The following HSPA12A variants were observed in gnomAD, a reference collection of about 807,000 sequenced individuals.
HSPA12A encodes the protein heat shock protein family A (Hsp70) member 12A.
HSPA12A carries 28 observed loss-of-function variants against 69.2 expected under a neutral mutation model. That is an observed-to-expected ratio of 0.40 (90% CI 0.30 to 0.55). The LOEUF is 0.55. HSPA12A is among the 20% of genes least tolerant of loss of function. The pLI, the probability that HSPA12A is intolerant of heterozygous loss-of-function variation, is 0.38. For synonymous variants in HSPA12A, 345 were observed against 370.5 expected (o/e 0.93, Z 0.79); for missense variants, 686 against 900.7 (o/e 0.76, Z 3.05).
At chr10:116,822,798 G>A (rs1009179230) in intron 2 of HSPA12A, among the ~76,000 whole-genome samples, 2 of 152,250 alleles carry the variant, frequency 1.3e-5, no homozygotes, top group South Asian at 4.2e-4. Flanking sequence ...CATGACTCAG[G>A]GTCAGAATCA....
upstream of HSPA12A, among the ~76,000 whole-genome samples, chr10:116,744,488 G>A (rs1401051967): frequency 1.3e-5 from 2 of 152,226 alleles, no homozygotes; most frequent in African/African-American, 4.8e-5. Flanking sequence ...GGCCTTGGGC[G>A]CCACGTGCCC....
Position 116,673,870 on chromosome 10 carries a change from C to G in HSPA12A, c.*911G>C, listed in dbSNP as rs1406254490. On this transcript the variant is annotated 3_prime_UTR_variant, in exon 12 of 12. Transcript: ENST00000369209. ...AGGGGGTTAATTTAAAATCTGTCTG[C>G]TTTTCAAGGTGAGGGGCTCTTCTGG... 6.6e-6 allele frequency: 1 copy of G among 152,128 alleles called. No homozygotes were observed. Among genetic ancestry groups the G allele is most frequent in the Admixed American group, 6.5e-5 (1 of 15,272 alleles). The allele number at this position is 152,128 out of a possible 1,614,324, so 9.4% of individuals were successfully genotyped here.
At chr10:116,716,590 G>T (rs1850613004) in intron 1 of HSPA12A, among the ~76,000 whole-genome samples, 1 of 152,200 alleles carries the variant, frequency 6.6e-6, no homozygotes, top group African/African-American at 2.4e-5. Context: ...AGTCATACGT[G>T]GGCTGCAGGC....
chr10:116,706,829 C>T (rs939263004), intron 2 of HSPA12A, among the ~76,000 whole-genome samples: 5 of 152,166 alleles, frequency 3.3e-5, no homozygotes, highest in Admixed American at 6.5e-5. Flanking sequence ...ATGTATTCAC[C>T]GATTCACTAG....
intron 1 of HSPA12A, among the ~76,000 whole-genome samples, chr10:116,839,854 T>C (rs1204886001): frequency 6.6e-6 from 1 of 151,944 alleles, no homozygotes; most frequent in Non-Finnish European, 1.5e-5. Flanking sequence ...TACAGACGTG[T>C]GTGCAATGTT....
chr10:116,783,882 T>G (rs1554892064), intron 2 of HSPA12A, among the ~76,000 whole-genome samples: 1 of 152,114 alleles, frequency 6.6e-6, no homozygotes, highest in African/African-American at 2.4e-5. Flanking sequence ...TTTTGTATTT[T>G]TAGTAGAGAC....
intron 1 of HSPA12A, among the ~76,000 whole-genome samples, chr10:116,741,662 C>A (rs1201104359): frequency 1.3e-5 from 2 of 152,276 alleles, no homozygotes; most frequent in East Asian, 3.9e-4. Context: ...CAACCCCCTT[C>A]CCCGTCCTCT....
At chr10:116,739,025 T>A (rs1851397894) in intron 1 of HSPA12A, among the ~76,000 whole-genome samples, 1 of 152,210 alleles carries the variant, frequency 6.6e-6, no homozygotes. Flanking sequence ...TTGGGGGCTA[T>A]AACCAGCGCC....
chr10:116,698,799 C>T, intron 4 of HSPA12A, 60 bp from the exon 5 acceptor site: 1 of 1,316,744 alleles, frequency 7.6e-7, no homozygotes. Context: ...TGTCTCCTGG[C>T]TTTGGGGACT....
intron 1 of HSPA12A, among the ~76,000 whole-genome samples, chr10:116,720,875 G>A (rs1227137277): frequency 1.3e-5 from 2 of 152,192 alleles, no homozygotes; most frequent in African/African-American, 2.4e-5. Flanking sequence ...GAGAGAGGAC[G>A]AGACAGGACC....
intron 2 of HSPA12A, among the ~76,000 whole-genome samples, chr10:116,751,813 T>G (rs1554888380): frequency 6.6e-6 from 1 of 152,184 alleles, no homozygotes. Context: ...CCCTTGGTGA[T>G]GAGTGAGTTC....
intron 10 of HSPA12A, 74 bp from the exon 11 acceptor site, chr10:116,676,576 C>T (rs1564771572): frequency 3.4e-6 from 4 of 1,162,658 alleles, no homozygotes; most frequent in African/African-American, 3.0e-5. Context: ...GCATAGACAC[C>T]TGCCCTGGCA....
chr10:116,812,287 T>C (rs1845206555), intron 2 of HSPA12A, among the ~76,000 whole-genome samples: 1 of 151,790 alleles, frequency 6.6e-6, no homozygotes, highest in Non-Finnish European at 1.5e-5. Flanking sequence ...ACCCCATCTG[T>C]ATTAAAAATA....
intron 1 of HSPA12A, among the ~76,000 whole-genome samples, chr10:116,717,658 G>A (rs1286355915): frequency 6.6e-6 from 1 of 151,752 alleles, no homozygotes; most frequent in Non-Finnish European, 1.5e-5. Flanking sequence ...ATGTTATTTT[G>A]TTTATTATTA....
intron 2 of HSPA12A, among the ~76,000 whole-genome samples, chr10:116,805,549 G>A (rs1171013473): frequency 6.6e-6 from 1 of 152,040 alleles, no homozygotes; most frequent in Non-Finnish European, 1.5e-5. Context: ...TACACAAAAG[G>A]AGAAAATGAA....
At chr10:116,721,654 AT>A (rs1425898931) in intron 1 of HSPA12A, among the ~76,000 whole-genome samples, 2 of 152,206 alleles carry the variant, frequency 1.3e-5, no homozygotes, top group African/African-American at 4.8e-5. Flanking sequence ...ACCCATCCTA[AT>A]CCCCATCCCT....
chr10:116,696,943 C>G (rs1463811629), intron 5 of HSPA12A, among the ~76,000 whole-genome samples: 1 of 152,152 alleles, frequency 6.6e-6, no homozygotes, highest in African/African-American at 2.4e-5. Context: ...CTACAGGGAG[C>G]CTTCCATGAT....
At chr10:116,826,672 T>C (rs1845512862) in intron 2 of HSPA12A, among the ~76,000 whole-genome samples, 1 of 152,164 alleles carries the variant, frequency 6.6e-6, no homozygotes, top group Non-Finnish European at 1.5e-5. Context: ...AAATCACCCA[T>C]AATTTCTCTA....
rs1849115652 is a variant in HSPA12A at position 116,672,539 on chromosome 10, T to C, written c.*2242A>G. 6.6e-6 allele frequency: 1 copy of C among 152,366 alleles called. No homozygotes were observed. The highest frequency in any genetic ancestry group is 6.5e-5 in the Admixed American group (1 of 15,288). The allele number at this position is 152,366 out of a possible 1,614,324, so 9.4% of individuals were successfully genotyped here. On this transcript the variant is annotated 3_prime_UTR_variant, in exon 12 of 12. Coordinates refer to ENST00000369209, the MANE Select transcript of HSPA12A (RefSeq NM_025015.3). ...TGCTCGGTCTTGCGTACATAGTCCA[T>C]AGCTTGGCATCAGCACAGATCGATG... is the stretch of plus-strand genomic sequence containing the variant.
Sources: gnomAD v4.1 joint callset for allele counts (sites outside exome capture counted in the v4.1 genomes callset) on GRCh38, gnomAD v4.1.1 for gene constraint, MANE v1.5 for transcripts, NCBI Gene and HGNC (gene_info 2026-07-23, HGNC 2026-07-21) for gene names.